PPFIA2: variants seen among roughly 807,000 people sequenced by gnomAD.
PPFIA2 encodes PPFI scaffold protein A2.
A neutral mutation model predicts 175.5 loss-of-function variants in PPFIA2; 46 were observed. The ratio of observed to expected loss-of-function variants is 0.26; its 90% confidence interval spans 0.21 to 0.34. The LOEUF is 0.34. PPFIA2 is among the 10% of genes least tolerant of loss of function. PPFIA2 has a pLI of 1.00. For missense variants in PPFIA2, 1,179 were observed against 1,506.1 expected (o/e 0.78, Z 3.60); for synonymous variants, 568 against 511.4 (o/e 1.11, Z -1.49).
At chr12:81,605,529 A>T (rs2060201651) in intron 4 of PPFIA2, among the ~76,000 whole-genome samples, 1 of 151,882 alleles carries the variant, frequency 6.6e-6, no homozygotes. Context: ...TTCATGCCAT[A>T]TGGAATGAAA....
intron 3 of PPFIA2, among the ~76,000 whole-genome samples, chr12:81,703,839 T>C (rs181970025): frequency 9.2e-5 from 14 of 152,254 alleles, no homozygotes; most frequent in African/African-American, 3.4e-4. Context: ...TGGAACGCTC[T>C]TTCTTCTGCT....
intron 4 of PPFIA2, among the ~76,000 whole-genome samples, chr12:81,660,422 C>G (rs561635392): frequency 2.6e-5 from 4 of 151,940 alleles, no homozygotes; most frequent in African/African-American, 9.7e-5. Flanking sequence ...GTAGCTGATT[C>G]GATCAACTGG....
intron 4 of PPFIA2, among the ~76,000 whole-genome samples, chr12:81,596,142 T>A (rs1490472273): frequency 6.6e-6 from 1 of 151,904 alleles, no homozygotes; most frequent in East Asian, 1.9e-4. Flanking sequence ...GGTAAGAAAA[T>A]CATTTAATTC....
At chr12:81,324,647 G>A (rs2054361651) in intron 22 of PPFIA2, among the ~76,000 whole-genome samples, 1 of 151,798 alleles carries the variant, frequency 6.6e-6, no homozygotes, top group African/African-American at 2.4e-5. Flanking sequence ...ACAAAACGAA[G>A]ACATTTGAAA....
At chr12:81,322,878 G>T (rs1025879025) in intron 22 of PPFIA2, among the ~76,000 whole-genome samples, 2 of 152,116 alleles carry the variant, frequency 1.3e-5, no homozygotes, top group African/African-American at 2.4e-5. Flanking sequence ...ACAATAGAGA[G>T]AAATATAAGC....
At chr12:81,697,478 T>G (rs2076024347) in intron 3 of PPFIA2, among the ~76,000 whole-genome samples, 1 of 152,112 alleles carries the variant, frequency 6.6e-6, no homozygotes. Flanking sequence ...GTAAGTCACA[T>G]TTAAGATTAT....
At chr12:81,439,321 ATATT>A (rs1363595066) in intron 7 of PPFIA2, among the ~76,000 whole-genome samples, 1 of 151,160 alleles carries the variant, frequency 6.6e-6, no homozygotes. Flanking sequence ...ATATACATAC[ATATT>A]TAGAGAGAGA....
At chr12:81,672,195 G>T (rs527504092) in intron 4 of PPFIA2, among the ~76,000 whole-genome samples, 4 of 151,960 alleles carry the variant, frequency 2.6e-5, no homozygotes, top group Non-Finnish European at 4.4e-5. Context: ...ATATAAGGTT[G>T]AAATAATTTA....
intron 16 of PPFIA2, among the ~76,000 whole-genome samples, chr12:81,357,555 T>C (rs2061035133): frequency 6.6e-6 from 1 of 152,214 alleles, no homozygotes; most frequent in African/African-American, 2.4e-5. Flanking sequence ...TAATAGTTCT[T>C]TATGAACACA....
intron 3 of PPFIA2, among the ~76,000 whole-genome samples, chr12:81,750,086 AC>A (rs2083554203): frequency 7.0e-6 from 1 of 143,788 alleles, no homozygotes; most frequent in South Asian, 2.3e-4. Context: ...GGCACACAGA[AC>A]AAATGTACTT....
chr12:81,680,097 C>A (rs187329896), intron 3 of PPFIA2, among the ~76,000 whole-genome samples: 2 of 151,952 alleles, frequency 1.3e-5, no homozygotes, highest in African/African-American at 4.8e-5. Flanking sequence ...ACATTGACTT[C>A]CTAGAAAGTT....
At chr12:81,566,545 A>G (rs2071347769) in intron 4 of PPFIA2, among the ~76,000 whole-genome samples, 1 of 151,378 alleles carries the variant, frequency 6.6e-6, no homozygotes, top group South Asian at 2.1e-4. Flanking sequence ...AAAAAAAAAA[A>G]AAAAAAAGAA....
chr12:81,388,975 A>T (rs2039555163), intron 8 of PPFIA2, among the ~76,000 whole-genome samples: 1 of 151,630 alleles, frequency 6.6e-6, no homozygotes, highest in Non-Finnish European at 1.5e-5. Context: ...TATCACTCAC[A>T]CACCCCAAGC....
At chr12:81,446,400 T>A (rs1029404665) in intron 5 of PPFIA2, among the ~76,000 whole-genome samples, 25 of 152,286 alleles carry the variant, frequency 1.6e-4, no homozygotes, top group African/African-American at 5.5e-4. Flanking sequence ...TCCAGGCTGT[T>A]TCAGGCTTTA....
At chr12:81,693,284 G>A (rs2075476451) in intron 3 of PPFIA2, among the ~76,000 whole-genome samples, 1 of 152,046 alleles carries the variant, frequency 6.6e-6, no homozygotes, top group Admixed American at 6.6e-5. Context: ...GGGGTCTGGT[G>A]GGTGGTGTTT....
intron 7 of PPFIA2, among the ~76,000 whole-genome samples, chr12:81,426,005 A>C (rs2047076885): frequency 6.6e-6 from 1 of 152,190 alleles, no homozygotes; most frequent in African/African-American, 2.4e-5. Context: ...TAATCTTGTC[A>C]TACCCAATAA....
At chr12:81,298,258 G>C (rs1472432190) in intron 23 of PPFIA2, 1 of 152,114 alleles carries the variant, frequency 6.6e-6, no homozygotes, top group Non-Finnish European at 1.5e-5. Context: ...GCTAATATCT[G>C]ATGGCTAATA....
At chr12:81,560,745 G>GT in intron 4 of PPFIA2, among the ~76,000 whole-genome samples, 1 of 152,236 alleles carries the variant, frequency 6.6e-6, no homozygotes, top group South Asian at 2.1e-4. Context: ...GTCGTATTTG[G>GT]AATCGCAGAG....
At chr12:81,507,630 C>T (rs2061322582) in intron 4 of PPFIA2, among the ~76,000 whole-genome samples, 2 of 152,192 alleles carry the variant, frequency 1.3e-5, no homozygotes, top group South Asian at 4.1e-4. Context: ...CATATAACCA[C>T]TAGCAACCAT....
Sources: allele counts gnomAD v4.1 joint callset (sites outside exome capture counted in the v4.1 genomes callset), GRCh38; gene constraint gnomAD v4.1.1; transcripts MANE v1.5; gene names NCBI Gene and HGNC (gene_info 2026-07-23, HGNC 2026-07-21).